The following SULT1C2 variants were observed in gnomAD, a reference collection of about 807,000 sequenced individuals.
SULT1C2 encodes sulfotransferase 1C2.
Under a neutral mutation model 36.0 loss-of-function variants are expected in SULT1C2, and 27 were observed. That is an observed-to-expected ratio of 0.75 (90% CI 0.55 to 1.03). The LOEUF (loss-of-function observed/expected upper bound fraction) is 1.03, where lower values mean the gene tolerates loss of function less well. Among genes scored for constraint, SULT1C2 ranks in the 50% least tolerant of loss-of-function variants. SULT1C2 has a pLI of 0.00. For missense variants in SULT1C2, 395 were observed against 359.2 expected (o/e 1.10, Z -0.80); for synonymous variants, 121 against 116.0 (o/e 1.04, Z -0.27).
rs1485616699 is a variant in SULT1C2 at position 108,293,820 on chromosome 2, T to G, written c.151+2T>G. 1 of 1,613,452 alleles carries G rather than the reference T, an allele frequency of 6.2e-7. No individual in the cohort carries two copies. The highest frequency in any genetic ancestry group is 8.5e-7 in the Non-Finnish European group (1 of 1,179,780). ...TCATCTGCACCTACCCTAAAGCAGGTGATTGCAGGGTAGGAGGGACAGCAA... is the reference window on the plus strand; with the variant it reads ...TCATCTGCACCTACCCTAAAGCAGGGGATTGCAGGGTAGGAGGGACAGCAA... On this transcript the variant is annotated splice_donor_variant, in intron 2 of 7. Coordinates refer to ENST00000251481, the MANE Select transcript of SULT1C2 (RefSeq NM_001056.4). LOFTEE classifies it high-confidence loss of function.
intron 6 of SULT1C2, 48 bp from the exon 7 acceptor site, chr2:108,305,367 C>T (rs1363532834): frequency 6.2e-7 from 1 of 1,608,838 alleles, no homozygotes; most frequent in African/African-American, 1.3e-5. Context: ...TGTAGTATTT[C>T]TTTATGATAC....
At position 108,291,430 on chromosome 2, in the gene SULT1C2, G is replaced by A. The variant is rs563334608; in HGVS notation, c.-21-2217G>A. Reference sequence around the variant, plus strand: ...AAAGCCCTTTGCCACACAATGTAATGTATTAGGAATTAGGACGTGGACATC... The same window carrying A: ...AAAGCCCTTTGCCACACAATGTAATATATTAGGAATTAGGACGTGGACATC... On this transcript the variant is annotated intron_variant, in intron 1 of 7. Coordinates refer to ENST00000251481, the MANE Select transcript of SULT1C2 (RefSeq NM_001056.4). Among the ~76,000 whole-genome samples, 8 of 152,232 alleles carry A rather than the reference G, an allele frequency of 5.3e-5. 1 individual carries two copies. In the East Asian group the frequency reaches 1.5e-3, roughly 29 times the overall value.
chr2:108,301,039 C>T (rs2104419956), intron 4 of SULT1C2, 104 bp downstream of exon 4: 1 of 1,417,622 alleles, frequency 7.1e-7, no homozygotes, highest in East Asian at 2.3e-5. Context: ...TGCCTCTCCA[C>T]TGTCTCTGAT....
intron 4 of SULT1C2, 156 bp from the exon 5 acceptor site, chr2:108,304,418 G>C (rs1676967168): frequency 1.5e-6 from 1 of 683,692 alleles, no homozygotes; most frequent in Non-Finnish European, 2.3e-6. Context: ...AGCAGAGACA[G>C]AAAGAAGAGG....
At chr2:108,300,501 G>A in intron 3 of SULT1C2, 2 of 378,356 alleles carry the variant, frequency 5.3e-6, no homozygotes, top group Non-Finnish European at 9.3e-6. Context: ...GCACATGGGG[G>A]TCATCTCTGG....
chr2:108,296,735 G>A (rs1573247128), intron 3 of SULT1C2, among the ~76,000 whole-genome samples: 1 of 152,216 alleles, frequency 6.6e-6, no homozygotes, highest in Admixed American at 6.5e-5. Flanking sequence ...ATAGGCGTAA[G>A]CCACCGTGCC....
Position 108,305,502 on chromosome 2 carries a change from T to G in SULT1C2, c.685T>G (p.Ser229Ala), listed in dbSNP as rs759659847. 1.2e-6 allele frequency: 2 copies of G among 1,614,160 alleles called. No homozygotes were observed. The highest frequency in any genetic ancestry group is 1.7e-6 in the Non-Finnish European group (2 of 1,180,018). Residue 229 changes from serine (S) to alanine (A), a missense_variant, in exon 7 of 8, where the codon TCA becomes GCA. Ser to Ala is a moderately conservative substitution (Grantham distance 99). Transcript: ENST00000251481. Reference protein sequence around the residue: ...TVLDKIVQETSFEKMKENPMT... With the variant: ...TVLDKIVQETAFEKMKENPMT... ...GCTAGATAAAATTGTCCAGGAGACGTCATTTGAGAAAATGAAAGAAAATCC... is the reference window on the plus strand; with the variant it reads ...GCTAGATAAAATTGTCCAGGAGACGGCATTTGAGAAAATGAAAGAAAATCC...
At chr2:108,293,472 C>CATCA (rs1676646533) in intron 1 of SULT1C2, among the ~76,000 whole-genome samples, 175 bp from the exon 2 acceptor site, 1 of 152,100 alleles carries the variant, frequency 6.6e-6, no homozygotes, top group South Asian at 2.1e-4. Context: ...TACAGAGTTT[C>CATCA]TGTCTGGGAT....
chr2:108,290,905 C>T (rs10173554), intron 1 of SULT1C2, among the ~76,000 whole-genome samples: 77,751 of 152,056 alleles, frequency 0.51, 20,436 homozygotes, highest in Non-Finnish European at 0.56. Flanking sequence ...TATGTATAAA[C>T]AGTTTTCTAT....
intron 7 of SULT1C2, 113 bp from the exon 8 acceptor site, chr2:108,308,239 G>T: frequency 1.1e-6 from 1 of 888,304 alleles, no homozygotes; most frequent in Non-Finnish European, 1.8e-6. Context: ...GGGGAGTTGG[G>T]TGAGTCAGGT....
At chr2:108,298,200 C>A (rs1676784199) in intron 3 of SULT1C2, among the ~76,000 whole-genome samples, 2 of 152,238 alleles carry the variant, frequency 1.3e-5, no homozygotes, top group Non-Finnish European at 2.9e-5. Flanking sequence ...GCTTTCATCT[C>A]CGTTTCTCTA....
chr2:108,294,650 C>G (rs1206434930), intron 3 of SULT1C2, among the ~76,000 whole-genome samples: 1 of 152,082 alleles, frequency 6.6e-6, no homozygotes, highest in Admixed American at 6.6e-5. Flanking sequence ...TGATCATGTG[C>G]AACTGTAGAT....
intron 1 of SULT1C2, among the ~76,000 whole-genome samples, chr2:108,291,079 C>G (rs1013173765): frequency 1.3e-5 from 2 of 152,180 alleles, no homozygotes; most frequent in African/African-American, 4.8e-5. Context: ...AGAAGAATCC[C>G]TTCCAAGCTC....
intron 7 of SULT1C2, among the ~76,000 whole-genome samples, chr2:108,307,822 G>A (rs1486268466): frequency 3.3e-5 from 5 of 152,086 alleles, no homozygotes; most frequent in African/African-American, 1.2e-4. Flanking sequence ...ATCAAGATAT[G>A]AAACATTTTC....
intron 4 of SULT1C2, 169 bp downstream of exon 4, chr2:108,301,104 A>C: frequency 1.2e-6 from 1 of 820,848 alleles, no homozygotes; most frequent in Non-Finnish European, 1.9e-6. Context: ...CATTCACCTG[A>C]ACAGTTTCAA....
rs576953330 is a variant in SULT1C2, at chr2:108,306,579, G to C, written c.778+984G>C. Among the ~76,000 whole-genome samples the C allele has an allele frequency of 3.5e-4, 53 of 152,264 alleles. 2 individuals are homozygous for C. The highest frequency in any genetic ancestry group is 1.3e-3 in the African/African-American group (52 of 41,556). On this transcript the variant is annotated intron_variant, in intron 7 of 7. Transcript: ENST00000251481. The stretch of plus-strand genomic sequence containing the variant: ...GGACCTTGCCACTGTACTCCAGCCT[G>C]GGTGACAGAGAAAGACACCAGCTTT...
chr2:108,300,066 G>T, intron 3 of SULT1C2: 1 of 152,308 alleles, frequency 6.6e-6, no homozygotes, highest in East Asian at 1.9e-4. Context: ...TGCACAAAGT[G>T]CTCGTTAAGG....
intron 1 of SULT1C2, among the ~76,000 whole-genome samples, chr2:108,291,389 C>T (rs1158820184): frequency 6.6e-6 from 1 of 152,136 alleles, no homozygotes; most frequent in Non-Finnish European, 1.5e-5. Context: ...AGGTTCTTAA[C>T]CTAAATTCCA....
chr2:108,294,311 C>A lies in SULT1C2; in HGVS notation c.234C>A (p.His78Gln), dbSNP rs567413736. ...VEKCQRAIIQ[H>Q]RHPFIEWARP... The stretch of plus-strand genomic sequence containing the variant: ...AGTGCCAGCGAGCCATCATCCAACA[C>A]CGCCATCCTTTCATTGAGTGGGCTC... The change falls in exon 3 of 8, where the codon CAC becomes CAA. Residue 78 changes from histidine (H) to glutamine (Q), a missense_variant. Coordinates refer to ENST00000251481, the MANE Select transcript of SULT1C2 (RefSeq NM_001056.4). 5.6e-6 allele frequency: 9 copies of A among 1,614,134 alleles called. No homozygotes were observed. Among genetic ancestry groups the A allele is most frequent in the African/African-American group, 1.3e-5 (1 of 75,038 alleles).
Sources: allele counts gnomAD v4.1 joint callset (sites outside exome capture counted in the v4.1 genomes callset), GRCh38; gene constraint gnomAD v4.1.1; transcripts MANE v1.5; gene names NCBI Gene and HGNC (gene_info 2026-07-23, HGNC 2026-07-21).